The following CENPE variants were observed in gnomAD, a reference collection of about 807,000 sequenced individuals.
The protein encoded by CENPE is centromere-associated protein E.
In CENPE, 145 loss-of-function variants were observed where a neutral mutation model predicts 336.1. That is an observed-to-expected ratio of 0.43 (90% confidence interval 0.38 to 0.50). CENPE has a LOEUF of 0.50. Among genes scored for constraint, CENPE ranks in the 20% least tolerant of loss-of-function variants. The pLI is 0.00. For synonymous variants in CENPE, 1,013 were observed against 984.8 expected, an observed-to-expected ratio of 1.03 and a Z score of -0.54; for missense variants, 2,719 against 3,023.3, an observed-to-expected ratio of 0.90 and a Z score of 2.36.
intron 24 of CENPE, among the ~76,000 whole-genome samples, chr4:103,154,494 T>A (rs967035020): frequency 1.3e-5 from 2 of 152,172 alleles, no homozygotes; most frequent in Non-Finnish European, 2.9e-5. Context: ...GTTGGCAATA[T>A]GCATGAGCTT....
chr4:103,127,097 T>TAA (rs768685995), intron 42 of CENPE, among the ~76,000 whole-genome samples: 74 of 75,326 alleles, frequency 9.8e-4, no homozygotes, highest in South Asian at 1.3e-3. Flanking sequence ...GGGACAAATA[T>TAA]AAAAAAAAAA....
intron 24 of CENPE, among the ~76,000 whole-genome samples, chr4:103,156,148 G>C (rs1439513628): frequency 6.6e-6 from 1 of 152,140 alleles, no homozygotes; most frequent in Non-Finnish European, 1.5e-5. Flanking sequence ...ATATTTTTAA[G>C]ACATCAATAC....
rs141321114 is a variant in CENPE, at chr4:103,108,928, C to T, written c.7886G>A (p.Arg2629Gln). The change falls in exon 48 of 49, where the codon CGG becomes CAG. Residue 2629 changes from arginine (R) to glutamine (Q), a missense_variant. This residue lies in a region of CENPE where 2,437 missense variants were observed against 2,513.3 expected (regional missense o/e 0.97). Transcript: ENST00000265148. ...CTTTGGCACAGGATCTTGTAAATTC[C>T]GTTCCTTGCATTGAGAGGGTGTAAT... ...KQITPSQCKE[R>Q]NLQDPVPKES... 3.2e-4 allele frequency: 521 copies of T among 1,613,828 alleles called. 3 individuals are homozygous for T. The Middle Eastern group carries it at 4.6e-3, about 14-fold the overall frequency.
chr4:103,178,376 G>A (rs761325696), intron 13 of CENPE, among the ~76,000 whole-genome samples: 1 of 152,040 alleles, frequency 6.6e-6, no homozygotes, highest in Non-Finnish European at 1.5e-5. Context: ...TAGTATCTCT[G>A]CAAACTTATG....
chr4:103,183,129 G>A (rs1756466320), intron 10 of CENPE, 72 bp downstream of exon 10: 9 of 1,155,538 alleles, frequency 7.8e-6, no homozygotes, highest in East Asian at 4.7e-5. Flanking sequence ...GAGTGTCATC[G>A]AAATGTTGCA....
At chr4:103,188,185 C>A (rs893184095) in intron 8 of CENPE, among the ~76,000 whole-genome samples, 2 of 152,110 alleles carry the variant, frequency 1.3e-5, no homozygotes, top group African/African-American at 4.8e-5. Flanking sequence ...GACTCCCACA[C>A]AATAATAATG....
intron 9 of CENPE, among the ~76,000 whole-genome samples, chr4:103,183,814 T>A (rs2126026465): frequency 6.6e-6 from 1 of 152,334 alleles, no homozygotes; most frequent in South Asian, 2.1e-4. Flanking sequence ...TAGAGATTTT[T>A]AAAAATACAA....
chr4:103,145,107 C>T lies in CENPE; in HGVS notation c.4800G>A (p.Glu1600=). The T allele has an allele frequency of 6.2e-7, 1 of 1,601,238 alleles. No individual in the cohort carries two copies. The change falls in exon 32 of 49, where the codon GAG becomes GAA. Residue 1600 remains glutamate, a synonymous_variant. Coordinates refer to ENST00000265148, the MANE Select transcript of CENPE (RefSeq NM_001813.3). ...GTTGGTCTCTCTCTATCTGAAGGGC[C>T]TCCTGTACTCTTTTCATTTCCTCTT... ...KEKEEMKRVQ[E]ALQIERDQLK... is the part of the protein sequence containing the mutation.
At chr4:103,175,741 C>T (rs905927324) in intron 15 of CENPE, among the ~76,000 whole-genome samples, 31 of 152,046 alleles carry the variant, frequency 2.0e-4, no homozygotes, top group Admixed American at 5.9e-4. Flanking sequence ...TAGTAAAGAG[C>T]TAGAGGCAAA....
At chr4:103,195,082 A>G in intron 5 of CENPE, 32 bp downstream of exon 5, 1 of 1,540,728 alleles carries the variant, frequency 6.5e-7, no homozygotes, top group Non-Finnish European at 8.7e-7. Context: ...TAAGTCAGTC[A>G]ATTTTAAAGC....
At chr4:103,180,271 C>T in intron 13 of CENPE, 40 bp downstream of exon 13, 5 of 1,569,248 alleles carry the variant, frequency 3.2e-6, no homozygotes, top group Non-Finnish European at 4.4e-6. Flanking sequence ...CAATTCTATT[C>T]TCTGTACATC....
chr4:103,134,026 AAG>A, intron 40 of CENPE, 134 bp from the exon 41 acceptor site: 1 of 663,276 alleles, frequency 1.5e-6, no homozygotes, highest in Non-Finnish European at 2.6e-6. Context: ...GGAAAAGGGA[AAG>A]AGCTTCTCTC....
Position 103,140,323 on chromosome 4 carries a change from T to C in CENPE, c.5846A>G (p.Glu1949Gly), listed in dbSNP as rs1752435636. Residue 1949 changes from glutamate to glycine, a missense_variant, in exon 37 of 49, where the codon GAA (glutamate) becomes GGA (glycine). Glu to Gly is a moderately conservative substitution (Grantham distance 98). Around this residue, in one of 5 missense-constraint regions of CENPE, gnomAD observed 2,437 missense variants for 2,513.3 expected, o/e 0.97. Transcript: ENST00000265148. ...AATGTCTGAAATTTGAATTGTCTTT[T>C]CTGAAATTTTTTCTCTAAGTTTATC... ...TVDKLREKIS[E>G]KTIQISDIQK... The C allele has an allele frequency of 6.2e-7, 1 of 1,606,418 alleles. No homozygotes were observed. The highest frequency in any genetic ancestry group is 1.1e-5 in the South Asian group (1 of 89,852).
chr4:103,174,195 C>A (rs1444198957), intron 16 of CENPE, among the ~76,000 whole-genome samples: 3 of 151,568 alleles, frequency 2.0e-5, no homozygotes, highest in African/African-American at 7.3e-5. Flanking sequence ...AGAAATCCTA[C>A]CATTTGCAAC....
Position 103,106,192 on chromosome 4 carries a change from T to C in CENPE, c.*30A>G, listed in dbSNP as rs1210242803. On this transcript the variant is annotated 3_prime_UTR_variant, in exon 49 of 49. Coordinates refer to ENST00000265148, the MANE Select transcript of CENPE (RefSeq NM_001813.3). ...AAAGTCATTTCCAAATAAGGAATGCTGGATCTCCAGAGAAGTGACAAAGAG... is the reference window on the plus strand; with the variant it reads ...AAAGTCATTTCCAAATAAGGAATGCCGGATCTCCAGAGAAGTGACAAAGAG... The C allele has an allele frequency of 9.2e-6, 13 of 1,418,552 alleles. No homozygotes were observed. The South Asian group carries it at 1.7e-4, about 19-fold the overall frequency. The allele number at this position is 1,418,552 out of a possible 1,614,324, so 87.9% of individuals were successfully genotyped here. A position where few individuals can be genotyped will look rare whatever the true frequency, so the allele number is the denominator to read the frequency against.
intron 42 of CENPE, among the ~76,000 whole-genome samples, chr4:103,128,020 C>G (rs193254874): frequency 6.6e-6 from 1 of 152,122 alleles, no homozygotes; most frequent in East Asian, 1.9e-4. Context: ...TGTATGTTGT[C>G]TACAAGAAAC....
chr4:103,185,306 G>GAA (rs765253352), intron 9 of CENPE, among the ~76,000 whole-genome samples: 5 of 72,584 alleles, frequency 6.9e-5, no homozygotes, highest in East Asian at 4.2e-4. Context: ...GTCTGCCTTA[G>GAA]AAAAAAAAAA....
At chr4:103,145,750 C>T (rs113125138) in intron 30 of CENPE, 69 bp from the exon 31 acceptor site, 45 of 1,510,106 alleles carry the variant, frequency 3.0e-5, no homozygotes, top group Non-Finnish European at 3.8e-5. Context: ...AATTAACTCC[C>T]CTTTCCAAAT....
At position 103,123,057 on chromosome 4, in the gene CENPE, T is replaced by C; in HGVS notation, c.6957A>G (p.Glu2319=). The C allele has an allele frequency of 1.2e-6, 2 of 1,613,876 alleles. No individual in the cohort carries two copies. The highest frequency in any genetic ancestry group is 1.7e-6 in the Non-Finnish European group (2 of 1,179,838). The change falls in exon 43 of 49, where the codon GAA becomes GAG. Residue 2319 remains glutamate, a synonymous_variant. Coordinates refer to ENST00000265148, the MANE Select transcript of CENPE (RefSeq NM_001813.3). ...ACTCTTTGGATATGGTAGCACTTCTTTCCTCAAACTCTGTTGATTCATTCA... is the reference window on the plus strand; with the variant it reads ...ACTCTTTGGATATGGTAGCACTTCTCTCCTCAAACTCTGTTGATTCATTCA... ...AIMNESTEFE[E]RSATISKEWE...
Sources: gnomAD v4.1 joint callset for allele counts (sites outside exome capture counted in the v4.1 genomes callset) on GRCh38, gnomAD v4.1.1 for gene constraint, gnomAD v4.1.1 regional missense constraint, MANE v1.5 for transcripts, NCBI Gene and HGNC (gene_info 2026-07-23, HGNC 2026-07-21) for gene names.